Variants in TMEM163 observed in about 807,000 individuals in gnomAD.
The protein encoded by TMEM163 is transmembrane protein 163.
A neutral mutation model predicts 29.3 loss-of-function variants in TMEM163; 17 were observed. The observed-to-expected ratio is 0.58, with a 90% CI of 0.40 to 0.87. The LOEUF is 0.87. Among genes scored for constraint, TMEM163 ranks in the 40% least tolerant of loss-of-function variants. TMEM163 has a pLI of 0.00. For missense variants in TMEM163, 303 were observed against 381.5 expected (o/e 0.79, Z 1.71); for synonymous variants, 157 against 160.6 (o/e 0.98, Z 0.17).
intron 2 of TMEM163, among the ~76,000 whole-genome samples, chr2:134,553,553 G>A (rs181815640): frequency 5.3e-5 from 8 of 152,318 alleles, no homozygotes; most frequent in African/African-American, 7.2e-5. Flanking sequence ...AAGCCACAGC[G>A]CTGGGGAGAG....
At chr2:134,596,026 A>G (rs969931661) in intron 2 of TMEM163, among the ~76,000 whole-genome samples, 2 of 152,080 alleles carry the variant, frequency 1.3e-5, no homozygotes, top group Non-Finnish European at 1.5e-5. Flanking sequence ...TTTGTCAGAT[A>G]AGTAGATTGC....
At chr2:134,535,492 AT>A in intron 4 of TMEM163, among the ~76,000 whole-genome samples, 1 of 152,270 alleles carries the variant, frequency 6.6e-6, no homozygotes, top group Middle Eastern at 3.4e-3. Context: ...CCTTTCAGAG[AT>A]TTCCCCCTCT....
intron 2 of TMEM163, among the ~76,000 whole-genome samples, chr2:134,560,425 T>C (rs1486575243): frequency 6.6e-6 from 1 of 152,164 alleles, no homozygotes; most frequent in African/African-American, 2.4e-5. Context: ...AGCTCCAGCA[T>C]GCAGCAAACA....
intron 5 of TMEM163, among the ~76,000 whole-genome samples, chr2:134,470,196 A>G (rs932364256): frequency 3.3e-5 from 5 of 151,978 alleles, no homozygotes; most frequent in Non-Finnish European, 5.9e-5. Context: ...TCTCTACTAA[A>G]AATACAAAAA....
At chr2:134,637,164 C>T (rs1267028560) in intron 2 of TMEM163, among the ~76,000 whole-genome samples, 2 of 152,024 alleles carry the variant, frequency 1.3e-5, no homozygotes, top group African/African-American at 4.8e-5. Context: ...GATTACAAAA[C>T]ATTGATGAGA....
chr2:134,566,031 G>A (rs1681293157), intron 2 of TMEM163, among the ~76,000 whole-genome samples: 2 of 152,148 alleles, frequency 1.3e-5, no homozygotes, highest in South Asian at 4.1e-4. Context: ...TTCACTTTGT[G>A]AAACTTCATT....
intron 5 of TMEM163, among the ~76,000 whole-genome samples, chr2:134,499,330 C>G (rs527371149): frequency 6.6e-6 from 1 of 152,334 alleles, no homozygotes; most frequent in Admixed American, 6.5e-5. Flanking sequence ...AAAAGGAAAG[C>G]ACTATTACTA....
chr2:134,640,138 A>T (rs933829220), intron 2 of TMEM163, among the ~76,000 whole-genome samples: 1 of 152,182 alleles, frequency 6.6e-6, no homozygotes, highest in African/African-American at 2.4e-5. Flanking sequence ...ATAATATGGG[A>T]TATGAAATAC....
At chr2:134,612,542 A>ACACACACACACACAC (rs1682528191) in intron 2 of TMEM163, among the ~76,000 whole-genome samples, 1 of 140,568 alleles carries the variant, frequency 7.1e-6, no homozygotes, top group Admixed American at 7.1e-5. Context: ...GGTTTGCCCC[A>ACACACACACACACAC]ACACACACAC....
At chr2:134,544,434 A>G (rs1680737093) in intron 4 of TMEM163, among the ~76,000 whole-genome samples, 1 of 152,200 alleles carries the variant, frequency 6.6e-6, no homozygotes, top group African/African-American at 2.4e-5. Context: ...AACTGAAGAG[A>G]CATTGTCCAA....
At chr2:134,492,315 T>C (rs1433045140) in intron 5 of TMEM163, among the ~76,000 whole-genome samples, 1 of 152,332 alleles carries the variant, frequency 6.6e-6, no homozygotes, top group African/African-American at 2.4e-5. Flanking sequence ...CAACGGGAGA[T>C]GGTTTGTGGC....
At chr2:134,677,397 G>A (rs867218250) in intron 2 of TMEM163, among the ~76,000 whole-genome samples, 14 of 152,132 alleles carry the variant, frequency 9.2e-5, no homozygotes, top group Admixed American at 4.6e-4. Context: ...GAAAAGGCAT[G>A]GAGAAGACAA....
chr2:134,664,325 C>T (rs951322123), intron 2 of TMEM163, among the ~76,000 whole-genome samples: 3 of 152,146 alleles, frequency 2.0e-5, no homozygotes, highest in African/African-American at 7.2e-5. Flanking sequence ...CAGAATCGCC[C>T]GGAGGACTGG....
At chr2:134,485,894 G>A (rs931249429) in intron 5 of TMEM163, among the ~76,000 whole-genome samples, 3 of 152,048 alleles carry the variant, frequency 2.0e-5, no homozygotes, top group Non-Finnish European at 1.5e-5. Flanking sequence ...ATCCAGCTGG[G>A]TGTCGGAGTG....
At chr2:134,541,996 C>T (rs750872566) in intron 4 of TMEM163, among the ~76,000 whole-genome samples, 1 of 152,220 alleles carries the variant, frequency 6.6e-6, no homozygotes, top group African/African-American at 2.4e-5. Flanking sequence ...GAAATTGAGG[C>T]ATCAAGAAAC....
intron 2 of TMEM163, among the ~76,000 whole-genome samples, chr2:134,649,143 A>T (rs1464308233): frequency 1.3e-5 from 2 of 152,258 alleles, no homozygotes; most frequent in Non-Finnish European, 2.9e-5. Flanking sequence ...GCTGAAGAAA[A>T]TATTCACATG....
intron 2 of TMEM163, among the ~76,000 whole-genome samples, chr2:134,625,909 C>A (rs1682839421): frequency 6.6e-6 from 1 of 152,096 alleles, no homozygotes; most frequent in Non-Finnish European, 1.5e-5. Context: ...TGTAAGCTAG[C>A]CCCAGAGTCC....
chr2:134,548,361 A>T (rs1165114558), intron 4 of TMEM163, among the ~76,000 whole-genome samples: 1 of 152,216 alleles, frequency 6.6e-6, no homozygotes, highest in Non-Finnish European at 1.5e-5. Context: ...TACTTACAAC[A>T]CATCTCAGTT....
intron 2 of TMEM163, among the ~76,000 whole-genome samples, chr2:134,558,845 A>C (rs74557080): frequency 0.052 from 7,952 of 152,192 alleles, 726 homozygotes; most frequent in African/African-American, 0.18. Flanking sequence ...AACACCTCCA[A>C]GTTGCAAAAT....
Sources: allele counts gnomAD v4.1 joint callset (sites outside exome capture counted in the v4.1 genomes callset), GRCh38; gene constraint gnomAD v4.1.1; transcripts MANE v1.5; gene names NCBI Gene and HGNC (gene_info 2026-07-23, HGNC 2026-07-21).